CELSR1: variants seen among roughly 807,000 people sequenced by gnomAD.
CELSR1 encodes the protein adhesion G protein-coupled receptor C1.
Under a neutral mutation model 249.1 loss-of-function variants are expected in CELSR1, and 110 were observed. The observed-to-expected ratio is 0.44, with a 90% CI of 0.38 to 0.52. CELSR1 has a LOEUF of 0.52. Among genes scored for constraint, CELSR1 ranks in the 20% least tolerant of loss-of-function variants. CELSR1 has a pLI of 0.00. For synonymous variants in CELSR1, 2,113 were observed against 1,900.0 expected (o/e 1.11, Z -2.92); for missense variants, 4,109 against 4,296.4 (o/e 0.96, Z 1.22).
At chr22:46,522,106 T>C (rs2080692164) in intron 1 of CELSR1, among the ~76,000 whole-genome samples, 1 of 152,168 alleles carries the variant, frequency 6.6e-6, no homozygotes, top group Non-Finnish European at 1.5e-5. Flanking sequence ...GTCAACTCAC[T>C]GGCAAACAGT....
Position 46,535,171 on chromosome 22 carries a change from A to G in CELSR1, c.2000T>C (p.Met667Thr). 6.2e-7 allele frequency: 1 copy of G among 1,609,518 alleles called. No individual in the cohort carries two copies. Among genetic ancestry groups the G allele is most frequent in the Non-Finnish European group, 8.5e-7 (1 of 1,179,662 alleles). The change falls in exon 1 of 35, where the codon ATG (methionine) becomes ACG (threonine). Residue 667 changes from methionine (M) to threonine (T), a missense_variant. Met to Thr is a moderately conservative substitution (Grantham distance 81). Coordinates refer to ENST00000674500, the MANE Select transcript of CELSR1 (RefSeq NM_001378328.1). ...GATGGACACGCTGGTGGAGGAGCTC[A>G]TGGGGGGCGAGCCGTGGTCCACCGC... ...VEAVDHGSPP[M>T]SSSTSVSITV...
In CELSR1 at chr22:46,454,138, G is replaced by A. The variant is rs115457465; in HGVS notation, c.4183+9569C>T. ...GGTGCTAGTGGTGGAAGCAGGGGTC[G>A]GAGTGAGGTGAGGAAGGTGCCAGGG... On this transcript the variant is annotated intron_variant, in intron 2 of 34. Transcript: ENST00000674500. This position sits in a 1 kb window ranked among gnomAD's most constrained non-coding sequence, Gnocchi z 5.1. 0.018 allele frequency among the ~76,000 whole-genome samples: 2,687 copies of A among 152,188 alleles called. 70 individuals are homozygous for A. Among genetic ancestry groups the A allele is most frequent in the African/African-American group, 0.059 (2,435 of 41,508 alleles).
At chr22:46,489,318 G>A (rs1416335987) in intron 1 of CELSR1, among the ~76,000 whole-genome samples, 1 of 151,756 alleles carries the variant, frequency 6.6e-6, no homozygotes, top group African/African-American at 2.4e-5. Flanking sequence ...TCTGACGAGG[G>A]CACTTTTGAC....
chr22:46,422,635 T>C (rs28607180), intron 5 of CELSR1, among the ~76,000 whole-genome samples: 4,428 of 150,840 alleles, frequency 0.029, 194 homozygotes, highest in African/African-American at 0.098. Flanking sequence ...GGCATGGTGG[T>C]GGGCGCCTGT....
In CELSR1 at chr22:46,496,993, G is replaced by A. The variant is rs139903698; in HGVS notation, c.3545-32648C>T. On this transcript the variant is annotated intron_variant, in intron 1 of 34. Coordinates refer to ENST00000674500, the MANE Select transcript of CELSR1 (RefSeq NM_001378328.1). ...CAAGTGTTATGAACTATACATAACC[G>A]TGTGTGCTAGAATTTTACACGACTG... Among the ~76,000 whole-genome samples the A allele has an allele frequency of 3.1e-4, 47 of 152,130 alleles. No individual in the cohort carries two copies. In the East Asian group the frequency reaches 4.4e-3, roughly 14 times the overall value.
Position 46,448,431 on chromosome 22 carries a change from G to T in CELSR1, c.4184-9020C>A, listed in dbSNP as rs1044819760. 8 of 312,522 alleles carry T rather than the reference G, an allele frequency of 2.6e-5. No homozygotes were observed. The highest frequency in any genetic ancestry group is 4.6e-5 in the Admixed American group (1 of 21,950). 19.4% of individuals were successfully genotyped at this position (312,522 alleles called of 1,614,324 possible). On this transcript the variant is annotated intron_variant, in intron 2 of 34. Coordinates refer to ENST00000674500, the MANE Select transcript of CELSR1 (RefSeq NM_001378328.1). This position sits in a 1 kb window ranked among gnomAD's most constrained non-coding sequence, Gnocchi z 5.7. Reference sequence around the variant, plus strand: ...GCTCACCTAGAGAGGGGGCACAGCAGGCAGAGAACCTCAGGACCTGGGGGA... The same window carrying T: ...GCTCACCTAGAGAGGGGGCACAGCATGCAGAGAACCTCAGGACCTGGGGGA...
intron 5 of CELSR1, among the ~76,000 whole-genome samples, chr22:46,424,327 C>G (rs1026021974): frequency 6.6e-6 from 1 of 152,122 alleles, no homozygotes; most frequent in South Asian, 2.1e-4. Flanking sequence ...AATCCTCCCA[C>G]CTTAGCCTCC....
chr22:46,501,199 A>ATTTTTT (rs57293109), intron 1 of CELSR1, among the ~76,000 whole-genome samples: 1 of 108,554 alleles, frequency 9.2e-6, no homozygotes, highest in African/African-American at 4.1e-5. Context: ...TGCCCGGCTA[A>ATTTTTT]TTTTTTTTTT....
In CELSR1 at chr22:46,434,322, T is replaced by A. The variant is rs1043309896; in HGVS notation, c.4523-841A>T. ...CTTTGGGGATTCTGGGGCACAACCC[T>A]GAGTCAGCAGCAGCAGCTGGGAGGA... On this transcript the variant is annotated intron_variant, in intron 4 of 34. Coordinates refer to ENST00000674500, the MANE Select transcript of CELSR1 (RefSeq NM_001378328.1). The surrounding 1 kb of genome is among the most constrained non-coding windows in gnomAD (Gnocchi z 4.9). Among the ~76,000 whole-genome samples the A allele has an allele frequency of 2.6e-5, 4 of 152,162 alleles. No individual in the cohort carries two copies. Among genetic ancestry groups the A allele is most frequent in the Non-Finnish European group, 5.9e-5 (4 of 68,026 alleles).
intron 1 of CELSR1, among the ~76,000 whole-genome samples, chr22:46,523,278 C>T (rs933254413): frequency 3.9e-5 from 6 of 152,160 alleles, no homozygotes; most frequent in Non-Finnish European, 5.9e-5. Context: ...CCTGTAATCC[C>T]AGCACTTTGG....
At chr22:46,503,773 TAATCC>T (rs1168770283) in intron 1 of CELSR1, among the ~76,000 whole-genome samples, 1 of 152,230 alleles carries the variant, frequency 6.6e-6, no homozygotes, top group Non-Finnish European at 1.5e-5. Context: ...CTCACGCCGG[TAATCC>T]CAGCACTTTG....
intron 28 of CELSR1, among the ~76,000 whole-genome samples, chr22:46,367,431 G>A (rs555382456): frequency 3.9e-5 from 6 of 152,356 alleles, no homozygotes; most frequent in Admixed American, 3.3e-4. Flanking sequence ...TGTGTCGTAA[G>A]TCCACTTGCT....
Position 46,433,523 on chromosome 22 carries a change from GC to G in CELSR1, c.4523-43del. On this transcript the variant is annotated intron_variant, in intron 4 of 34. Coordinates refer to ENST00000674500, the MANE Select transcript of CELSR1 (RefSeq NM_001378328.1). This position sits in a 1 kb window ranked among gnomAD's most constrained non-coding sequence, Gnocchi z 5.7. The stretch of plus-strand genomic sequence containing the variant: ...AGACCCAGAGAGAAAACAGGGGTTG[GC>G]GGGGCCTACTGGGGACCGAGGATTG... 6.5e-7 allele frequency: 1 copy of G among 1,539,320 alleles called. No individual in the cohort carries two copies. The highest frequency in any genetic ancestry group is 8.9e-7 in the Non-Finnish European group (1 of 1,118,480).
rs1323522528 is a variant in CELSR1 at position 46,536,194 on chromosome 22, A to G, written c.977T>C (p.Val326Ala). The G allele has an allele frequency of 6.2e-7, 1 of 1,612,586 alleles. No homozygotes were observed. The highest frequency in any genetic ancestry group is 1.7e-5 in the Admixed American group (1 of 60,014). ...KETHVLRVKA[V>A]DYSTPPRSAT... The stretch of plus-strand genomic sequence containing the variant: ...CGAGCGCGGCGGCGTACTGTAGTCC[A>G]CGGCTTTCACCCTGAGGACGTGCGT... The change falls in exon 1 of 35, where the codon GTG (valine) becomes GCG (alanine). Residue 326 changes from valine (V) to alanine (A), a missense_variant. Val to Ala is a moderately conservative substitution (Grantham distance 64). Around this residue, in one of 7 missense-constraint regions of CELSR1, gnomAD observed 673 missense variants for 636.8 expected, o/e 1.06. Coordinates refer to ENST00000674500, the MANE Select transcript of CELSR1 (RefSeq NM_001378328.1).
rs2078702946 is a variant in CELSR1, at chr22:46,361,442, C to G, written c.*1781G>C. ...AAAATAGAACAAAAAAATTACACCTCAGGGGGCAGAATCCTGTTAAAGTCA... is the reference window on the plus strand; with the variant it reads ...AAAATAGAACAAAAAAATTACACCTGAGGGGGCAGAATCCTGTTAAAGTCA... On this transcript the variant is annotated 3_prime_UTR_variant, in exon 35 of 35. Coordinates refer to ENST00000674500, the MANE Select transcript of CELSR1 (RefSeq NM_001378328.1). 1.3e-5 allele frequency: 2 copies of G among 152,350 alleles called. No homozygotes were observed. Among genetic ancestry groups the G allele is most frequent in the African/African-American group, 4.8e-5 (2 of 41,416 alleles). The allele number at this position is 152,350 out of a possible 1,614,324, so 9.4% of individuals were successfully genotyped here.
intron 1 of CELSR1, among the ~76,000 whole-genome samples, chr22:46,515,772 C>T (rs900702082): frequency 2.0e-5 from 3 of 152,160 alleles, no homozygotes; most frequent in Non-Finnish European, 4.4e-5. Flanking sequence ...GGAAGGCAGC[C>T]CCGGCAGGAG....
In CELSR1 at chr22:46,441,356, A is replaced by C. The variant is rs1300348597; in HGVS notation, c.4184-1945T>G. On this transcript the variant is annotated intron_variant, in intron 2 of 34. Coordinates refer to ENST00000674500, the MANE Select transcript of CELSR1 (RefSeq NM_001378328.1). The surrounding 1 kb of genome is among the most constrained non-coding windows in gnomAD (Gnocchi z 6.1). ...GCAATGTCCCCCCGAGAGGCCTCCAACCACGCTCCGGACGGCCAGTGGGAT... is the reference window on the plus strand; with the variant it reads ...GCAATGTCCCCCCGAGAGGCCTCCACCCACGCTCCGGACGGCCAGTGGGAT... Among the ~76,000 whole-genome samples the C allele has an allele frequency of 6.6e-6, 1 of 151,940 alleles. No homozygotes were observed. The highest frequency in any genetic ancestry group is 1.5e-5 in the Non-Finnish European group (1 of 67,990).
chr22:46,382,741 T>C (rs538503229), intron 20 of CELSR1, among the ~76,000 whole-genome samples: 3 of 152,290 alleles, frequency 2.0e-5, no homozygotes, highest in Admixed American at 1.3e-4. Flanking sequence ...AGTCTGACAG[T>C]TGCTGCGGCG....
At chr22:46,503,598 C>T (rs773665125) in intron 1 of CELSR1, among the ~76,000 whole-genome samples, 2 of 152,262 alleles carry the variant, frequency 1.3e-5, no homozygotes, top group Non-Finnish European at 2.9e-5. Context: ...CGTTCCTTCA[C>T]TTAAGCCTCA....
Sources: gnomAD v4.1 joint callset for allele counts (sites outside exome capture counted in the v4.1 genomes callset) on GRCh38, gnomAD v4.1.1 for gene constraint, gnomAD v4.1.1 regional missense constraint, Gnocchi (gnomAD v3.1) non-coding constraint, MANE v1.5 for transcripts, NCBI Gene and HGNC (gene_info 2026-07-23, HGNC 2026-07-21) for gene names.